MAML1: variants seen among roughly 807,000 people sequenced by gnomAD.
MAML1 encodes mastermind like transcriptional coactivator 1, also known as mastermind-like protein 1.
Under a neutral mutation model 77.1 loss-of-function variants are expected in MAML1, and 14 were observed. The observed-to-expected ratio is 0.18, with a 90% CI of 0.12 to 0.28. The LOEUF is 0.28. Among genes scored for constraint, MAML1 ranks in the 10% least tolerant of loss-of-function variants. The pLI, the probability that MAML1 is intolerant of heterozygous loss-of-function variation, is 1.00. For synonymous variants in MAML1, 516 were observed against 551.9 expected (o/e 0.93, Z 0.91); for missense variants, 1,217 against 1,327.8 (o/e 0.92, Z 1.30).
At chr5:179,743,967 A>G (rs1779332857) in intron 1 of MAML1, among the ~76,000 whole-genome samples, 1 of 152,230 alleles carries the variant, frequency 6.6e-6, no homozygotes, top group Non-Finnish European at 1.5e-5. Flanking sequence ...TTTAAAATGT[A>G]GCCAGTGGAA....
At chr5:179,749,862 C>T (rs548081715) in intron 1 of MAML1, among the ~76,000 whole-genome samples, 1 of 152,262 alleles carries the variant, frequency 6.6e-6, no homozygotes, top group South Asian at 2.1e-4. Flanking sequence ...CCCCCTTGCT[C>T]TGACTGTATT....
chr5:179,752,473 CATCT>C (rs1288488599), intron 1 of MAML1, among the ~76,000 whole-genome samples: 2 of 143,430 alleles, frequency 1.4e-5, no homozygotes, highest in Non-Finnish European at 3.0e-5. Flanking sequence ...AAATTGGCAC[CATCT>C]GTTTCTTTTT....
At position 179,740,326 on chromosome 5, in the gene MAML1, AG is replaced by A. The variant is rs1779257028; in HGVS notation, c.315+6903del. On this transcript the variant is annotated intron_variant, in intron 1 of 4. Coordinates refer to ENST00000292599, the MANE Select transcript of MAML1 (RefSeq NM_014757.5). ...TGCTCTGCTGACCAGTCTGGAGTGC[AG>A]GGGCGCAATCTCAGCTCACTACAAG... Among the ~76,000 whole-genome samples the A allele has an allele frequency of 2.0e-5, 3 of 152,290 alleles. No homozygotes were observed. The South Asian group carries it at 6.2e-4, about 32-fold the overall frequency.
chr5:179,733,678 C>A (rs1779113716), intron 1 of MAML1, among the ~76,000 whole-genome samples: 1 of 152,268 alleles, frequency 6.6e-6, no homozygotes, highest in Admixed American at 6.5e-5. Context: ...CTGGCGAACG[C>A]TAACCGGAGG....
chr5:179,764,283 G>GCC (rs1169143314), intron 1 of MAML1, among the ~76,000 whole-genome samples: 3 of 152,268 alleles, frequency 2.0e-5, no homozygotes, highest in Non-Finnish European at 1.5e-5. Flanking sequence ...TCAGTGGCAT[G>GCC]AATCCATCGA....
chr5:179,756,104 T>G (rs770432403), intron 1 of MAML1, among the ~76,000 whole-genome samples: 2 of 151,220 alleles, frequency 1.3e-5, no homozygotes, highest in Non-Finnish European at 2.9e-5. Flanking sequence ...GCCAAAAGAT[T>G]GGACACCCCG....
chr5:179,734,082 A>G (rs1779119977), intron 1 of MAML1, among the ~76,000 whole-genome samples: 1 of 152,184 alleles, frequency 6.6e-6, no homozygotes, highest in Non-Finnish European at 1.5e-5. Flanking sequence ...TGATGATGTT[A>G]GATTGTTGGT....
Position 179,769,450 on chromosome 5 carries a change from A to G in MAML1, c.1971+361A>G, listed in dbSNP as rs1375977476. ...CTTTGCTGCCACTACAGAGCCTGTT[A>G]TAAGCCAGAACGTGAAGAGGGAAGT... On this transcript the variant is annotated intron_variant, in intron 3 of 4. Transcript: ENST00000292599. This position sits in a 1 kb window ranked among gnomAD's most constrained non-coding sequence, Gnocchi z 4.2. Among the ~76,000 whole-genome samples the G allele has an allele frequency of 6.6e-6, 1 of 152,184 alleles. No homozygotes were observed. Among genetic ancestry groups the G allele is most frequent in the African/African-American group, 2.4e-5 (1 of 41,446 alleles).
At chr5:179,741,174 C>A (rs1174740724) in intron 1 of MAML1, among the ~76,000 whole-genome samples, 3 of 152,184 alleles carry the variant, frequency 2.0e-5, no homozygotes, top group Non-Finnish European at 2.9e-5. Flanking sequence ...ATTTTCCACT[C>A]CTTTTCCACA....
At chr5:179,760,900 G>A (rs1259634578) in intron 1 of MAML1, among the ~76,000 whole-genome samples, 1 of 151,884 alleles carries the variant, frequency 6.6e-6, no homozygotes, top group East Asian at 1.9e-4. Context: ...GACCATCCTG[G>A]CTAACACAGT....
At chr5:179,741,648 C>G (rs143171906) in intron 1 of MAML1, among the ~76,000 whole-genome samples, 1 of 142,384 alleles carries the variant, frequency 7.0e-6, no homozygotes, top group Non-Finnish European at 1.5e-5. Flanking sequence ...ATTGTGACAT[C>G]GTACTACAGC....
chr5:179,735,714 G>A (rs371515287), intron 1 of MAML1, among the ~76,000 whole-genome samples: 14 of 150,488 alleles, frequency 9.3e-5, no homozygotes, highest in South Asian at 2.1e-4. Flanking sequence ...TTGAGACAGC[G>A]TCTCGCCCTG....
chr5:179,736,410 G>A (rs187523211), intron 1 of MAML1, among the ~76,000 whole-genome samples: 5 of 151,964 alleles, frequency 3.3e-5, no homozygotes, highest in Admixed American at 6.5e-5. Context: ...GTGCCACCAC[G>A]CTCCCCTAAT....
At chr5:179,738,634 T>C (rs77259715) in intron 1 of MAML1, among the ~76,000 whole-genome samples, 2,021 of 152,326 alleles carry the variant, frequency 0.013, 38 homozygotes, top group African/African-American at 0.046. Flanking sequence ...GTCAAAATAG[T>C]ATTCCATATT....
intron 1 of MAML1, among the ~76,000 whole-genome samples, chr5:179,737,361 C>T (rs899747079): frequency 6.6e-6 from 1 of 152,128 alleles, no homozygotes; most frequent in Non-Finnish European, 1.5e-5. Context: ...AGATAAGTAT[C>T]ATTAAGAAAA....
intron 1 of MAML1, among the ~76,000 whole-genome samples, chr5:179,760,814 G>A (rs146536407): frequency 0.013 from 1,925 of 152,268 alleles, 33 homozygotes; most frequent in African/African-American, 0.044. Context: ...GAAGCAGGCC[G>A]GGCGCAGTGG....
Position 179,733,147 on chromosome 5 carries a change from C to G in MAML1, c.35C>G (p.Ala12Gly). The G allele has an allele frequency of 6.9e-7, 1 of 1,449,482 alleles. No homozygotes were observed. Among genetic ancestry groups the G allele is most frequent in the Non-Finnish European group, 9.1e-7 (1 of 1,103,822 alleles). 89.8% of individuals were successfully genotyped at this position (1,449,482 alleles called of 1,614,324 possible). A position where few individuals can be genotyped will look rare whatever the true frequency, so the allele number is the denominator to read the frequency against. ...CCCACCTGCCCCATGGCGGAGTTCGCGCTGCCGCGGCACAGCGCGGTCATG... is the reference window on the plus strand; with the variant it reads ...CCCACCTGCCCCATGGCGGAGTTCGGGCTGCCGCGGCACAGCGCGGTCATG... ...VLPTCPMAEF[A>G]LPRHSAVMER... The change falls in exon 1 of 5, where the codon GCG (alanine) becomes GGG (glycine). Residue 12 changes from alanine to glycine, a missense_variant. By Grantham distance (60) the Ala-to-Gly change is moderately conservative. Around this residue, in one of 3 missense-constraint regions of MAML1, gnomAD observed 312 missense variants for 331.4 expected, o/e 0.94. Transcript: ENST00000292599.
At chr5:179,746,159 C>A (rs1262016529) in intron 1 of MAML1, among the ~76,000 whole-genome samples, 1 of 149,870 alleles carries the variant, frequency 6.7e-6, no homozygotes, top group Non-Finnish European at 1.5e-5. Context: ...TAACCTGGCC[C>A]ACATGGCGAA....
chr5:179,742,510 A>C (rs115284480), intron 1 of MAML1, among the ~76,000 whole-genome samples: 1,943 of 149,298 alleles, frequency 0.013, 40 homozygotes, highest in African/African-American at 0.044. Flanking sequence ...TAAAAAAAAA[A>C]CCAACATTTT....
Sources: gnomAD v4.1 joint callset for allele counts (sites outside exome capture counted in the v4.1 genomes callset) on GRCh38, gnomAD v4.1.1 for gene constraint, gnomAD v4.1.1 regional missense constraint, Gnocchi (gnomAD v3.1) non-coding constraint, MANE v1.5 for transcripts, NCBI Gene and HGNC (gene_info 2026-07-23, HGNC 2026-07-21) for gene names.